The following ACER3 variants were observed in gnomAD, a reference collection of about 807,000 sequenced individuals.
The protein encoded by ACER3 is alkaline ceramidase 3.
A neutral mutation model predicts 48.9 loss-of-function variants in ACER3; 16 were observed. The ratio of observed to expected loss-of-function variants is 0.33; its 90% CI spans 0.22 to 0.50. ACER3 has a LOEUF of 0.50. ACER3 is among the 20% of genes least tolerant of loss of function. The probability of loss-of-function intolerance (pLI) is 0.98; values close to 1 mark genes in which losing one functional copy is unlikely to be tolerated. For synonymous variants in ACER3, 109 were observed against 107.8 expected (o/e 1.01, Z -0.07); for missense variants, 227 against 326.0 (o/e 0.70, Z 2.34).
rs201817516 is a variant in ACER3 at position 76,998,840 on chromosome 11, C to G, written c.497+19C>G. 1 of 1,568,204 alleles carries G rather than the reference C, an allele frequency of 6.4e-7. No individual in the cohort carries two copies. Among genetic ancestry groups the G allele is most frequent in the East Asian group, 2.3e-5 (1 of 42,630 alleles). On this transcript the variant is annotated intron_variant, in intron 7 of 10. Transcript: ENST00000532485. ...TTACATGGTAAGTAGTTTGGATCAT[C>G]TGCACCATGACTGAAGTATATTCAG...
At chr11:76,875,387 C>T (rs1316007507) in intron 1 of ACER3, among the ~76,000 whole-genome samples, 2 of 151,866 alleles carry the variant, frequency 1.3e-5, no homozygotes, top group African/African-American at 4.8e-5. Flanking sequence ...GCTGGGATTA[C>T]ATAAAGGCGT....
intron 2 of ACER3, among the ~76,000 whole-genome samples, chr11:76,953,020 T>C (rs1272053874): frequency 6.6e-6 from 1 of 151,960 alleles, no homozygotes; most frequent in African/African-American, 2.4e-5. Context: ...GCAAGTGGGA[T>C]TGAGCAACGG....
intron 2 of ACER3, among the ~76,000 whole-genome samples, chr11:76,943,387 A>T (rs1422963311): frequency 1.3e-5 from 2 of 152,008 alleles, no homozygotes; most frequent in African/African-American, 4.8e-5. Flanking sequence ...AAAAGATTTT[A>T]AAATTTCTAT....
chr11:77,015,199 T>G (rs1555023069), intron 8 of ACER3, 82 bp downstream of exon 8: 1 of 737,576 alleles, frequency 1.4e-6, no homozygotes, highest in African/African-American at 1.8e-5. Flanking sequence ...ATAGAAATAG[T>G]AGTGCCCTGA....
chr11:76,916,944 C>A (rs1467806521), intron 1 of ACER3, among the ~76,000 whole-genome samples: 1 of 152,134 alleles, frequency 6.6e-6, no homozygotes, highest in Non-Finnish European at 1.5e-5. Context: ...ATTCCCCTCC[C>A]CTGTAACCTC....
Position 76,914,212 on chromosome 11 carries a change from C to T in ACER3, c.104-12345C>T, listed in dbSNP as rs565863890. Among the ~76,000 whole-genome samples, 3 of 152,288 alleles carry T rather than the reference C, an allele frequency of 2.0e-5. No individual in the cohort carries two copies. In the East Asian group the frequency reaches 5.8e-4, roughly 29 times the overall value. ...AATTGACAAATGAGATCTAATTAAA[C>T]TAAAGAACTTCTGCACAGCAAAAGA... On this transcript the variant is annotated intron_variant, in intron 1 of 10. Coordinates refer to ENST00000532485, the MANE Select transcript of ACER3 (RefSeq NM_018367.7).
At chr11:76,950,008 T>C (rs1174988775) in intron 2 of ACER3, among the ~76,000 whole-genome samples, 1 of 152,158 alleles carries the variant, frequency 6.6e-6, no homozygotes, top group Non-Finnish European at 1.5e-5. Context: ...CTTTGTCTGG[T>C]GAACTCTGCA....
chr11:76,873,184 G>T (rs937563701), intron 1 of ACER3, among the ~76,000 whole-genome samples: 2 of 151,962 alleles, frequency 1.3e-5, no homozygotes, highest in African/African-American at 4.8e-5. Flanking sequence ...TGGGATTACG[G>T]GCATAAGCCA....
chr11:76,905,494 T>C (rs1415277720), intron 1 of ACER3, among the ~76,000 whole-genome samples: 2 of 152,188 alleles, frequency 1.3e-5, no homozygotes, highest in Admixed American at 6.5e-5. Context: ...TTGCCTTCTG[T>C]GGTAGCTCAA....
rs1234312808 is a variant in ACER3 at position 77,021,609 on chromosome 11, T to C, written c.*1282T>C. 1 of 152,214 alleles carries C rather than the reference T, an allele frequency of 6.6e-6. No homozygotes were observed. Among genetic ancestry groups the C allele is most frequent in the Admixed American group, 6.5e-5 (1 of 15,284 alleles). 9.4% of individuals were successfully genotyped at this position (152,214 alleles called of 1,614,324 possible). ...CATTTTTATGACTTTTTTTGCTTTA[T>C]ATAAATTATTGTAAAATCCAGATTG... On this transcript the variant is annotated 3_prime_UTR_variant, in exon 11 of 11. Coordinates refer to ENST00000532485, the MANE Select transcript of ACER3 (RefSeq NM_018367.7).
At chr11:76,940,957 T>C (rs992101284) in intron 2 of ACER3, among the ~76,000 whole-genome samples, 1 of 151,772 alleles carries the variant, frequency 6.6e-6, no homozygotes, top group African/African-American at 2.4e-5. Flanking sequence ...CTTCTTATAT[T>C]CTTGTTTGAA....
chr11:76,875,660 TA>T (rs1046779790), intron 1 of ACER3, among the ~76,000 whole-genome samples: 49 of 151,978 alleles, frequency 3.2e-4, no homozygotes, highest in Admixed American at 3.0e-3. Flanking sequence ...AGCATATCAT[TA>T]AAGTTTAATT....
In ACER3 at chr11:77,025,453, G is replaced by T. The variant is rs1591083458; in HGVS notation, c.*5126G>T. 4 of 145,360 alleles carry T rather than the reference G, an allele frequency of 2.8e-5. No homozygotes were observed. The East Asian group carries it at 7.9e-4, about 29-fold the overall frequency. 9.0% of individuals were successfully genotyped at this position (145,360 alleles called of 1,614,324 possible). ...GACAGAGTCTCTCTCTGTCACCCAC[G>T]CTGGAGTGCAGTGGCAGGATCTCAA... On this transcript the variant is annotated 3_prime_UTR_variant, in exon 11 of 11. Transcript: ENST00000532485.
chr11:76,996,450 C>T (rs1378266235), intron 6 of ACER3, among the ~76,000 whole-genome samples: 2 of 151,740 alleles, frequency 1.3e-5, no homozygotes, highest in African/African-American at 2.4e-5. Flanking sequence ...CAGAGTCTTG[C>T]TCTTGTTGCC....
At position 76,944,246 on chromosome 11, in the gene ACER3, A is replaced by G. The variant is rs896960563; in HGVS notation, c.215-14733A>G. The stretch of plus-strand genomic sequence containing the variant: ...TGTCTTTGTGGTTTAATGAAATTCT[A>G]TTGTGTTCACATTTGATTCTTTTCC... On this transcript the variant is annotated intron_variant, in intron 2 of 10. Coordinates refer to ENST00000532485, the MANE Select transcript of ACER3 (RefSeq NM_018367.7). Among the ~76,000 whole-genome samples the G allele has an allele frequency of 3.3e-5, 5 of 152,082 alleles. No individual in the cohort carries two copies. The South Asian group carries it at 8.3e-4, about 25-fold the overall frequency.
intron 1 of ACER3, among the ~76,000 whole-genome samples, chr11:76,886,797 C>A (rs1945683645): frequency 6.6e-6 from 1 of 152,106 alleles, no homozygotes; most frequent in African/African-American, 2.4e-5. Context: ...TCTTTTGCCT[C>A]AGCCTCCCAA....
intron 1 of ACER3, among the ~76,000 whole-genome samples, chr11:76,903,691 A>G (rs946242814): frequency 6.6e-6 from 1 of 152,140 alleles, no homozygotes; most frequent in African/African-American, 2.4e-5. Flanking sequence ...ACTCTCTGTT[A>G]TAGCATCACA....
intron 1 of ACER3, among the ~76,000 whole-genome samples, chr11:76,893,240 C>T (rs1418851428): frequency 6.6e-6 from 1 of 152,060 alleles, no homozygotes; most frequent in African/African-American, 2.4e-5. Flanking sequence ...CATAGTGACA[C>T]GTGCCTGTAG....
intron 2 of ACER3, among the ~76,000 whole-genome samples, chr11:76,941,012 A>AACACACACACACACACAC (rs370121849): frequency 8.9e-5 from 13 of 146,302 alleles, no homozygotes; most frequent in Non-Finnish European, 1.6e-4. Context: ...TGTGTGTATA[A>AACACACACACACACACAC]ACACACACAC....
Sources: allele counts gnomAD v4.1 joint callset (sites outside exome capture counted in the v4.1 genomes callset), GRCh38; gene constraint gnomAD v4.1.1; transcripts MANE v1.5; gene names NCBI Gene and HGNC (gene_info 2026-07-23, HGNC 2026-07-21).